The following ZMYND8 variants were observed in gnomAD, a reference collection of about 807,000 sequenced individuals.
The protein encoded by ZMYND8 is zinc finger MYND-type containing 8, also known as MYND-type zinc finger-containing chromatin reader ZMYND8.
Under a neutral mutation model 140.8 loss-of-function variants are expected in ZMYND8, and 37 were observed. The ratio of observed to expected loss-of-function variants is 0.26; its 90% CI spans 0.20 to 0.35. The LOEUF (loss-of-function observed/expected upper bound fraction) is 0.35. ZMYND8 is among the 10% of genes least tolerant of loss of function. The pLI, the probability that ZMYND8 is intolerant of heterozygous loss-of-function variation, is 1.00. For missense variants in ZMYND8, 1,068 were observed against 1,570.0 expected, an observed-to-expected ratio of 0.68 and a Z score of 5.40; for synonymous variants, 592 against 597.1, an observed-to-expected ratio of 0.99 and a Z score of 0.12.
chr20:47,263,033 C>G (rs894086091), intron 11 of ZMYND8, among the ~76,000 whole-genome samples: 17 of 152,224 alleles, frequency 1.1e-4, no homozygotes, highest in African/African-American at 4.1e-4. Context: ...GGAGAGAGAA[C>G]TGTACCTATG....
chr20:47,290,393 T>C (rs1289340745), intron 6 of ZMYND8, 119 bp from the exon 7 acceptor site: 4 of 758,878 alleles, frequency 5.3e-6, no homozygotes, highest in Non-Finnish European at 8.3e-6. Flanking sequence ...AGTGTTCTTC[T>C]ATTCATTTCC....
At chr20:47,254,314 T>C (rs2074419352) in intron 12 of ZMYND8, among the ~76,000 whole-genome samples, 1 of 152,230 alleles carries the variant, frequency 6.6e-6, no homozygotes, top group South Asian at 2.1e-4. Flanking sequence ...AGTTGGGCGA[T>C]ACCTCTCAAA....
chr20:47,304,200 G>A (rs781004990), intron 3 of ZMYND8, among the ~76,000 whole-genome samples: 1 of 152,186 alleles, frequency 6.6e-6, no homozygotes, highest in Non-Finnish European at 1.5e-5. Flanking sequence ...TACTGCAGAA[G>A]AGAAAATGTT....
chr20:47,212,130 C>T (rs1440755323), intron 22 of ZMYND8, among the ~76,000 whole-genome samples: 3 of 152,182 alleles, frequency 2.0e-5, no homozygotes, highest in African/African-American at 7.2e-5. Context: ...AGTGATGCAG[C>T]TGGTCATCCC....
At chr20:47,259,412 T>A (rs1193285485) in intron 12 of ZMYND8, among the ~76,000 whole-genome samples, 1 of 152,130 alleles carries the variant, frequency 6.6e-6, no homozygotes, top group Non-Finnish European at 1.5e-5. Flanking sequence ...CAGGCTGTGC[T>A]CCAGCCCTGC....
At chr20:47,305,741 G>A (rs1169586296) in intron 3 of ZMYND8, among the ~76,000 whole-genome samples, 2 of 152,102 alleles carry the variant, frequency 1.3e-5, no homozygotes, top group Non-Finnish European at 2.9e-5. Context: ...TGCACCTAAG[G>A]CCATTCTGTA....
At chr20:47,259,181 G>T (rs1452749059) in intron 12 of ZMYND8, among the ~76,000 whole-genome samples, 1 of 152,194 alleles carries the variant, frequency 6.6e-6, no homozygotes, top group Non-Finnish European at 1.5e-5. Flanking sequence ...CCGTGAGAAC[G>T]CCTCCAAACA....
At chr20:47,264,700 T>C (rs562845619) in intron 11 of ZMYND8, among the ~76,000 whole-genome samples, 145 of 152,302 alleles carry the variant, frequency 9.5e-4, no homozygotes, top group Non-Finnish European at 1.5e-3. Flanking sequence ...GTCCTATCAC[T>C]GGTACTGTAA....
At chr20:47,334,031 C>T (rs980647831) in intron 2 of ZMYND8, among the ~76,000 whole-genome samples, 2 of 152,152 alleles carry the variant, frequency 1.3e-5, no homozygotes, top group African/African-American at 4.8e-5. Flanking sequence ...GCCTAGCCTA[C>T]CTTAAATGTG....
intron 3 of ZMYND8, among the ~76,000 whole-genome samples, chr20:47,306,573 CTTT>C (rs113460565): frequency 2.9e-5 from 4 of 136,534 alleles, no homozygotes; most frequent in Admixed American, 7.3e-5. Context: ...GATTATTTGC[CTTT>C]TTTTTTTTTT....
At position 47,302,835 on chromosome 20, in the gene ZMYND8, C is replaced by T. The variant is rs1236667087; in HGVS notation, c.235-3888G>A. On this transcript the variant is annotated intron_variant, in intron 3 of 22. Coordinates refer to ENST00000471951, the MANE Select transcript of ZMYND8 (RefSeq NM_001281775.3). ...CACAAAGCTAGAGGGGAAAAAACAT[C>T]TGAAAAATAAGATGACTACTAAAAA... Among the ~76,000 whole-genome samples, 3 of 152,184 alleles carry T rather than the reference C, an allele frequency of 2.0e-5. No individual in the cohort carries two copies. The East Asian group carries it at 5.8e-4, about 29-fold the overall frequency.
intron 14 of ZMYND8, among the ~76,000 whole-genome samples, chr20:47,242,109 G>A (rs542301600): frequency 6.6e-6 from 1 of 152,260 alleles, no homozygotes; most frequent in South Asian, 2.1e-4. Context: ...GAGCCGCTGC[G>A]CCCGGCCTAT....
intron 8 of ZMYND8, 32 bp from the exon 9 acceptor site, chr20:47,283,680 C>A: frequency 6.2e-7 from 1 of 1,603,836 alleles, no homozygotes; most frequent in Non-Finnish European, 8.5e-7. Context: ...GAATGTGTCA[C>A]CCCAGGGGTG....
intron 11 of ZMYND8, among the ~76,000 whole-genome samples, chr20:47,265,059 T>TAC (rs1249433143): frequency 6.8e-6 from 1 of 148,026 alleles, no homozygotes; most frequent in Non-Finnish European, 1.5e-5. Flanking sequence ...TATACATATA[T>TAC]ATATATATAG....
chr20:47,298,636 C>A lies in ZMYND8; in HGVS notation c.453+93G>T. 6.5e-7 allele frequency: 1 copy of A among 1,528,038 alleles called. No individual in the cohort carries two copies. Among genetic ancestry groups the A allele is most frequent in the South Asian group, 1.2e-5 (1 of 80,156 alleles). 94.7% of individuals were successfully genotyped at this position (1,528,038 alleles called of 1,614,324 possible). On this transcript the variant is annotated intron_variant, in intron 4 of 22. Coordinates refer to ENST00000471951, the MANE Select transcript of ZMYND8 (RefSeq NM_001281775.3). The surrounding 1 kb of genome is among the most constrained non-coding windows in gnomAD (Gnocchi z 5.0). Reference sequence around the variant, plus strand: ...AAAGCAAGAAATTTCTCTTTTCCATCTATCTGGATTATTTGTAAATTTAAA... The same window carrying A: ...AAAGCAAGAAATTTCTCTTTTCCATATATCTGGATTATTTGTAAATTTAAA...
chr20:47,326,275 AT>A (rs1471819122), intron 2 of ZMYND8, among the ~76,000 whole-genome samples: 8 of 151,600 alleles, frequency 5.3e-5, no homozygotes, highest in Admixed American at 1.3e-4. Context: ...TAGTTTTTGT[AT>A]TTTTTAGTAG....
In ZMYND8 at chr20:47,298,405, T is replaced by C. The variant is rs146194090; in HGVS notation, c.453+324A>G. The C allele has an allele frequency of 2.6e-4, 260 of 985,410 alleles. 1 individual carries two copies. The Middle Eastern group carries it at 5.2e-3, about 20-fold the overall frequency. 61.0% of individuals were successfully genotyped at this position (985,410 alleles called of 1,614,324 possible). On this transcript the variant is annotated intron_variant, in intron 4 of 22. Coordinates refer to ENST00000471951, the MANE Select transcript of ZMYND8 (RefSeq NM_001281775.3). The surrounding 1 kb of genome is among the most constrained non-coding windows in gnomAD (Gnocchi z 5.0). Reference sequence around the variant, plus strand: ...AAAACAGAATGAGATCTTTTCAAAATGTGTGAGCCGTTCATGATTTGGGAG... The same window carrying C: ...AAAACAGAATGAGATCTTTTCAAAACGTGTGAGCCGTTCATGATTTGGGAG...
chr20:47,330,859 C>T (rs537805141), intron 2 of ZMYND8, among the ~76,000 whole-genome samples: 11 of 152,292 alleles, frequency 7.2e-5, no homozygotes, highest in African/African-American at 2.4e-4. Flanking sequence ...ATTTATTATA[C>T]GCTCACCAGC....
chr20:47,254,798 A>C (rs1399419591), intron 12 of ZMYND8, among the ~76,000 whole-genome samples: 2 of 152,106 alleles, frequency 1.3e-5, no homozygotes, highest in Non-Finnish European at 2.9e-5. Context: ...TACCCCCTAG[A>C]TGCTATTAGC....
Sources: allele counts gnomAD v4.1 joint callset (sites outside exome capture counted in the v4.1 genomes callset), GRCh38; gene constraint gnomAD v4.1.1; non-coding constraint Gnocchi (gnomAD v3.1); transcripts MANE v1.5; gene names NCBI Gene and HGNC (gene_info 2026-07-23, HGNC 2026-07-21).